Variants in ASAH2B observed in about 807,000 individuals in gnomAD.
ASAH2B encodes the protein putative inactive neutral ceramidase B.
In ASAH2B, 1 loss-of-function variant was observed where a neutral mutation model predicts 2.9. The ratio of observed to expected loss-of-function variants is 0.34; its 90% confidence interval spans 0.12 to 1.63. The LOEUF (loss-of-function observed/expected upper bound fraction) is 1.63. Ranked by LOEUF, ASAH2B falls within the 40% of genes most tolerant of loss-of-function variation. The probability of loss-of-function intolerance (pLI) is 0.36; values close to 1 mark genes in which losing one functional copy is unlikely to be tolerated. For missense variants in ASAH2B, 9 were observed against 37.7 expected (o/e 0.24, Z 1.99); for synonymous variants, 4 against 13.3 (o/e 0.30, Z 1.52).
At position 50,743,043 on chromosome 10, in the gene ASAH2B, CGT is replaced by C. The variant is rs112405752; in HGVS notation, c.-4+48_-4+49del. 1.0e-2 allele frequency: 13,557 copies of C among 1,358,980 alleles called. 1 individual carries two copies. Among genetic ancestry groups the C allele is most frequent in the Non-Finnish European group, 0.012 (11,639 of 1,006,584 alleles). 84.2% of individuals were successfully genotyped at this position (1,358,980 alleles called of 1,614,324 possible). A position where few individuals can be genotyped will look rare whatever the true frequency, so the allele number is the denominator to read the frequency against. ...AATATTGTTTGTGCGTGCGTGCGTG[CGT>C]GTGTGTGTGTGTGTATGTCTGTATG... On this transcript the variant is annotated intron_variant, in intron 2 of 5. Transcript: ENST00000647317.
rs1837147591 is a variant in ASAH2B, at chr10:50,758,866, C to T, written c.*4126C>T. The T allele has an allele frequency of 1.3e-5, 2 of 151,938 alleles. No homozygotes were observed. Among genetic ancestry groups the T allele is most frequent in the Admixed American group, 1.3e-4 (2 of 15,228 alleles). The allele number at this position is 151,938 out of a possible 1,614,324, so 9.4% of individuals were successfully genotyped here. ...CAGAGTGACCCATATTGTTATTGTT[C>T]AGGGAATTAGAGAGGGCACCTAATA... On this transcript the variant is annotated 3_prime_UTR_variant, in exon 6 of 6. Transcript: ENST00000647317.
chr10:50,740,251 G>A (rs1839808532), intron 1 of ASAH2B, among the ~76,000 whole-genome samples: 1 of 152,098 alleles, frequency 6.6e-6, no homozygotes, highest in Middle Eastern at 3.2e-3. Flanking sequence ...AGGCGACTCG[G>A]ACCTGAGCCG....
At chr10:50,747,033 G>C (rs1839917727) in intron 3 of ASAH2B, among the ~76,000 whole-genome samples, 1 of 146,820 alleles carries the variant, frequency 6.8e-6, no homozygotes, top group African/African-American at 2.5e-5. Flanking sequence ...TTTTGCTTTT[G>C]TTGCTTTTGC....
intron 3 of ASAH2B, among the ~76,000 whole-genome samples, chr10:50,746,329 A>T (rs954197161): frequency 3.3e-5 from 5 of 151,418 alleles, no homozygotes; most frequent in Non-Finnish European, 4.4e-5. Flanking sequence ...AAATGTAAGG[A>T]TCTCATTCTT....
chr10:50,744,602 A>T (rs1242490898), intron 2 of ASAH2B: 1 of 151,668 alleles, frequency 6.6e-6, no homozygotes, highest in East Asian at 1.9e-4. Context: ...AAAATGGTAA[A>T]CTTTGTGGGC....
At position 50,740,773 on chromosome 10, in the gene ASAH2B, T is replaced by C. The variant is rs183119103; in HGVS notation, c.-100+790T>C. Among the ~76,000 whole-genome samples the C allele has an allele frequency of 6.4e-4, 98 of 152,286 alleles. No individual in the cohort carries two copies. The Middle Eastern group carries it at 0.01, about 16-fold the overall frequency. On this transcript the variant is annotated intron_variant, in intron 1 of 5. Transcript: ENST00000647317. ...TGATATTCTTAAAAAACTCACTAAT[T>C]CAGTGATTACCAATTTATTGGCCAC...
At chr10:50,748,837 T>C (rs1235786093) in intron 3 of ASAH2B, among the ~76,000 whole-genome samples, 5 of 151,440 alleles carry the variant, frequency 3.3e-5, no homozygotes, top group African/African-American at 1.2e-4. Flanking sequence ...TCACTGTCTT[T>C]CTTTGTCACT....
chr10:50,743,221 C>T (rs1330005357), intron 2 of ASAH2B, among the ~76,000 whole-genome samples: 3 of 152,100 alleles, frequency 2.0e-5, no homozygotes, highest in Non-Finnish European at 2.9e-5. Context: ...TAGTTAACAT[C>T]CTTTCATGCT....
chr10:50,755,950 T>C lies in ASAH2B; in HGVS notation c.*1210T>C, dbSNP rs1315983251. 6.7e-6 allele frequency: 1 copy of C among 148,348 alleles called. No homozygotes were observed. Among genetic ancestry groups the C allele is most frequent in the African/African-American group, 2.4e-5 (1 of 41,184 alleles). The allele number at this position is 148,348 out of a possible 1,614,324, so 9.2% of individuals were successfully genotyped here. A position where few individuals can be genotyped will look rare whatever the true frequency, so the allele number is the denominator to read the frequency against. On this transcript the variant is annotated 3_prime_UTR_variant, in exon 6 of 6. Transcript: ENST00000647317. ...TGGGGGGAAAGAGGCTCCAGACAGT[T>C]TGCTAAATACTATTTTGAAAGTTAT...
Position 50,759,129 on chromosome 10 carries a change from A to G in ASAH2B, c.*4389A>G, listed in dbSNP as rs1276311514. ...AAGAGTTGACAGTGAGGCAGCACCAAACTTTACCTTCATAAATAGCAATTT... is the reference window on the plus strand; with the variant it reads ...AAGAGTTGACAGTGAGGCAGCACCAGACTTTACCTTCATAAATAGCAATTT... On this transcript the variant is annotated 3_prime_UTR_variant, in exon 6 of 6. Transcript: ENST00000647317. The G allele has an allele frequency of 1.3e-4, 18 of 140,088 alleles. No individual in the cohort carries two copies. The highest frequency in any genetic ancestry group is 4.4e-4 in the African/African-American group (18 of 40,820). 8.7% of individuals were successfully genotyped at this position (140,088 alleles called of 1,614,324 possible).
In ASAH2B at chr10:50,758,869, G is replaced by A. The variant is rs1026816093; in HGVS notation, c.*4129G>A. ...AGTGACCCATATTGTTATTGTTCAG[G>A]GAATTAGAGAGGGCACCTAATATGG... On this transcript the variant is annotated 3_prime_UTR_variant, in exon 6 of 6. Transcript: ENST00000647317. 2.0e-5 allele frequency: 3 copies of A among 151,956 alleles called. No individual in the cohort carries two copies. The highest frequency in any genetic ancestry group is 7.2e-5 in the African/African-American group (3 of 41,428). The allele number at this position is 151,956 out of a possible 1,614,324, so 9.4% of individuals were successfully genotyped here.
intron 1 of ASAH2B, 145 bp from the exon 2 acceptor site, chr10:50,742,770 C>T (rs1223065395): frequency 1.7e-5 from 13 of 775,708 alleles, no homozygotes; most frequent in Non-Finnish European, 2.6e-5. Context: ...AATGCCCATC[C>T]TCTTTTGTCA....
In ASAH2B at chr10:50,757,210, TGTAGAC is replaced by T. The variant is rs1325618585; in HGVS notation, c.*2471_*2476del. The T allele has an allele frequency of 6.6e-6, 1 of 151,410 alleles. No homozygotes were observed. Among genetic ancestry groups the T allele is most frequent in the African/African-American group, 2.4e-5 (1 of 41,300 alleles). The allele number at this position is 151,410 out of a possible 1,614,324, so 9.4% of individuals were successfully genotyped here. A position where few individuals can be genotyped will look rare whatever the true frequency, so the allele number is the denominator to read the frequency against. On this transcript the variant is annotated 3_prime_UTR_variant, in exon 6 of 6. Transcript: ENST00000647317. ...AAAAGTATTGTCTAATGAAAGGTAA[TGTAGAC>T]AAACGAACACTTTTTTAAAAAAAGA...
At chr10:50,745,570 G>T (rs1403299258) in intron 3 of ASAH2B, among the ~76,000 whole-genome samples, 2 of 135,158 alleles carry the variant, frequency 1.5e-5, no homozygotes, top group Non-Finnish European at 3.2e-5. Flanking sequence ...AAAACATACA[G>T]AAATGAAGCA....
At chr10:50,745,817 A>G (rs1162901955) in intron 3 of ASAH2B, among the ~76,000 whole-genome samples, 3 of 146,822 alleles carry the variant, frequency 2.0e-5, no homozygotes, top group Non-Finnish European at 4.5e-5. Context: ...ACTGGCTAGA[A>G]TCTTCAATAG....
intron 3 of ASAH2B, among the ~76,000 whole-genome samples, chr10:50,747,334 G>A (rs1784759554): frequency 6.6e-6 from 1 of 151,256 alleles, no homozygotes; most frequent in African/African-American, 2.4e-5. Flanking sequence ...TGGTCTATGT[G>A]TACCAATGGT....
Position 50,744,325 on chromosome 10 carries a change from G to C in ASAH2B, c.-3-803G>C, listed in dbSNP as rs182320477. ...AAATTTGTTTTACAGACAAATTTCT[G>C]GTCAAGCACCTTAAAACTAGCTATG... On this transcript the variant is annotated intron_variant, in intron 2 of 5. Coordinates refer to ENST00000647317, the MANE Select transcript of ASAH2B (RefSeq NM_001321958.2). Among the ~76,000 whole-genome samples, 121 of 151,138 alleles carry C rather than the reference G, an allele frequency of 8.0e-4. 3 individuals are homozygous for C. The highest frequency in any genetic ancestry group is 2.8e-3 in the African/African-American group (114 of 40,788).
chr10:50,740,278 A>C (rs570265507), intron 1 of ASAH2B, among the ~76,000 whole-genome samples: 1 of 152,142 alleles, frequency 6.6e-6, no homozygotes, highest in South Asian at 2.1e-4. Context: ...TTGACCCCAA[A>C]TTGTGCTTTT....
intron 2 of ASAH2B, chr10:50,744,735 G>A (rs1839882496): frequency 5.8e-6 from 1 of 171,574 alleles, no homozygotes. Context: ...CACTCCAGGT[G>A]AGAGTGGCTC....
Sources: gnomAD v4.1 joint callset for allele counts (sites outside exome capture counted in the v4.1 genomes callset) on GRCh38, gnomAD v4.1.1 for gene constraint, MANE v1.5 for transcripts, NCBI Gene and HGNC (gene_info 2026-07-23, HGNC 2026-07-21) for gene names.